PTPRD: variants seen among roughly 807,000 people sequenced by gnomAD.
PTPRD encodes receptor-type tyrosine-protein phosphatase delta.
PTPRD carries 34 observed loss-of-function variants against 214.5 expected under a neutral mutation model. The observed-to-expected ratio is 0.16, with a 90% CI of 0.12 to 0.21. The LOEUF (loss-of-function observed/expected upper bound fraction) is 0.21, where lower values mean the gene tolerates loss of function less well. Ranked by LOEUF, PTPRD falls within the 10% of genes least tolerant of loss-of-function variation. The pLI is 1.00. For synonymous variants in PTPRD, 1,128 were observed against 845.7 expected (o/e 1.33, Z -5.79); for missense variants, 2,545 against 2,398.7 (o/e 1.06, Z -1.27).
At chr9:9,575,371 T>C (rs969719658) in intron 7 of PTPRD, among the ~76,000 whole-genome samples, 29 of 152,192 alleles carry the variant, frequency 1.9e-4, no homozygotes, top group Non-Finnish European at 3.2e-4. Flanking sequence ...ATTATTATTG[T>C]CTTTAAATTG....
intron 2 of PTPRD, among the ~76,000 whole-genome samples, chr9:10,563,542 T>C (rs2064645734): frequency 1.3e-5 from 2 of 152,202 alleles, no homozygotes; most frequent in South Asian, 4.1e-4. Flanking sequence ...ATCATAAATA[T>C]TACTAATGAA....
At position 8,837,097 on chromosome 9, in the gene PTPRD, C is replaced by T. The variant is rs573869189; in HGVS notation, c.-103-103151G>A. Among the ~76,000 whole-genome samples the T allele has an allele frequency of 1.9e-4, 29 of 150,326 alleles. 2 individuals carry two copies. The South Asian group carries it at 5.9e-3, about 31-fold the overall frequency. Reference sequence around the variant, plus strand: ...CTGGAGTGCAGTGGTACGATCTCCGCTCACTCCAACCTCCGCCTTCCAGGT... The same window carrying T: ...CTGGAGTGCAGTGGTACGATCTCCGTTCACTCCAACCTCCGCCTTCCAGGT... On this transcript the variant is annotated intron_variant, in intron 11 of 45. Coordinates refer to ENST00000381196, the MANE Select transcript of PTPRD (RefSeq NM_002839.4).
intron 10 of PTPRD, among the ~76,000 whole-genome samples, chr9:9,162,198 C>G (rs1210467989): frequency 4.6e-5 from 7 of 152,116 alleles, no homozygotes; most frequent in African/African-American, 1.7e-4. Flanking sequence ...TTGCTAAACA[C>G]TGCTACAAAA....
intron 2 of PTPRD, among the ~76,000 whole-genome samples, chr9:10,432,221 G>T (rs895961051): frequency 6.9e-6 from 1 of 145,060 alleles, no homozygotes; most frequent in African/African-American, 2.6e-5. Flanking sequence ...TCACTCATAG[G>T]CGGGAATTGA....
chr9:8,484,427 A>G lies in PTPRD; in HGVS notation c.3154-49T>C. 5.1e-6 allele frequency: 8 copies of G among 1,557,712 alleles called. No individual in the cohort carries two copies. In the South Asian group the frequency reaches 9.7e-5, roughly 19 times the overall value. On this transcript the variant is annotated intron_variant, in intron 29 of 45. Transcript: ENST00000381196. The stretch of plus-strand genomic sequence containing the variant: ...AAAAAATCTGGTTATCAGAGAGGCA[A>G]AATATATTTTCTAAACCAATGTGCA...
At chr9:9,599,547 C>G (rs2093605535) in intron 7 of PTPRD, among the ~76,000 whole-genome samples, 4 of 152,026 alleles carry the variant, frequency 2.6e-5, no homozygotes. Context: ...GTTACTCATT[C>G]TATTCTTCAG....
intron 11 of PTPRD, among the ~76,000 whole-genome samples, chr9:8,900,140 T>C (rs947643123): frequency 6.6e-6 from 1 of 152,190 alleles, no homozygotes; most frequent in African/African-American, 2.4e-5. Flanking sequence ...TTATATGACA[T>C]ACTATATAAA....
At position 8,900,044 on chromosome 9, in the gene PTPRD, G is replaced by C. The variant is rs563620313; in HGVS notation, c.-104+118653C>G. Among the ~76,000 whole-genome samples the C allele has an allele frequency of 7.2e-5, 11 of 152,234 alleles. No individual in the cohort carries two copies. The South Asian group carries it at 2.3e-3, about 32-fold the overall frequency. On this transcript the variant is annotated intron_variant, in intron 11 of 45. Coordinates refer to ENST00000381196, the MANE Select transcript of PTPRD (RefSeq NM_002839.4). Reference sequence around the variant, plus strand: ...TTTACTAAAATCTTTGGTCAGTGTAGATGTGTATCAAAACTGCATTGTCAA... The same window carrying C: ...TTTACTAAAATCTTTGGTCAGTGTACATGTGTATCAAAACTGCATTGTCAA...
intron 8 of PTPRD, among the ~76,000 whole-genome samples, chr9:9,573,539 T>C (rs2087275569): frequency 6.6e-6 from 1 of 151,704 alleles, no homozygotes; most frequent in Non-Finnish European, 1.5e-5. Flanking sequence ...ATTAAAACAC[T>C]GGAGATAATA....
chr9:9,026,241 G>A (rs1284024277), intron 10 of PTPRD, among the ~76,000 whole-genome samples: 1 of 151,918 alleles, frequency 6.6e-6, no homozygotes, highest in African/African-American at 2.4e-5. Flanking sequence ...AAAGGCTCTG[G>A]CACAGGGACC....
At chr9:10,460,060 T>C (rs1352114294) in intron 2 of PTPRD, among the ~76,000 whole-genome samples, 1 of 152,042 alleles carries the variant, frequency 6.6e-6, no homozygotes, top group Non-Finnish European at 1.5e-5. Flanking sequence ...ATGGCGGTGA[T>C]GGTTACCCAA....
chr9:9,490,841 T>C (rs1334533525), intron 8 of PTPRD, among the ~76,000 whole-genome samples: 1 of 151,558 alleles, frequency 6.6e-6, no homozygotes, highest in Non-Finnish European at 1.5e-5. Context: ...TAGAAAAAAA[T>C]AGCAAAAAGA....
intron 3 of PTPRD, among the ~76,000 whole-genome samples, chr9:10,087,137 G>T (rs558009781): frequency 6.8e-6 from 1 of 146,652 alleles, no homozygotes; most frequent in African/African-American, 2.5e-5. Context: ...ATGTTTTAGA[G>T]TTTTTTTTTT....
chr9:9,321,658 T>A (rs550226048), intron 9 of PTPRD, among the ~76,000 whole-genome samples: 1 of 152,318 alleles, frequency 6.6e-6, no homozygotes, highest in Non-Finnish European at 1.5e-5. Flanking sequence ...ATATTTAGCT[T>A]CAGAGATTGA....
At chr9:9,643,341 G>C (rs1435257064) in intron 7 of PTPRD, among the ~76,000 whole-genome samples, 2 of 151,994 alleles carry the variant, frequency 1.3e-5, no homozygotes, top group African/African-American at 2.4e-5. Flanking sequence ...GAAAGCCCTA[G>C]GCTTTTTAAA....
At chr9:8,713,280 T>C in intron 12 of PTPRD, 1 of 681,896 alleles carries the variant, frequency 1.5e-6, no homozygotes, top group East Asian at 2.7e-5. Flanking sequence ...ACTGAGCTTT[T>C]GCGGGTGGCG....
chr9:9,580,134 A>G (rs2090275042), intron 7 of PTPRD, among the ~76,000 whole-genome samples: 1 of 152,136 alleles, frequency 6.6e-6, no homozygotes, highest in Non-Finnish European at 1.5e-5. Flanking sequence ...AGGTTATTTC[A>G]TAACTTTGCT....
rs773745412 is a variant in PTPRD, at chr9:9,240,852, G to A, written c.-202-57489C>T. Among the ~76,000 whole-genome samples, 27 of 151,938 alleles carry A rather than the reference G, an allele frequency of 1.8e-4. No homozygotes were observed. In the East Asian group the frequency reaches 3.1e-3, roughly 17 times the overall value. On this transcript the variant is annotated intron_variant, in intron 9 of 45. Coordinates refer to ENST00000381196, the MANE Select transcript of PTPRD (RefSeq NM_002839.4). ...TTTCGCTCATCAGGTTTCTAATCACGGCCATTTTAAGTTTTTGACATCCAA... is the reference window on the plus strand; with the variant it reads ...TTTCGCTCATCAGGTTTCTAATCACAGCCATTTTAAGTTTTTGACATCCAA...
At chr9:10,190,718 C>CAAAAAAAAAAAAAAAAAAAAAAAAAAAA in intron 3 of PTPRD, among the ~76,000 whole-genome samples, 1 of 44,214 alleles carries the variant, frequency 2.3e-5, no homozygotes, top group Non-Finnish European at 4.3e-5. Flanking sequence ...AACTCTGTCT[C>CAAAAAAAAAAAAAAAAAAAAAAAAAAAA]AAAAAAAAAA....
Sources: allele counts gnomAD v4.1 joint callset (sites outside exome capture counted in the v4.1 genomes callset), GRCh38; gene constraint gnomAD v4.1.1; transcripts MANE v1.5; gene names NCBI Gene and HGNC (gene_info 2026-07-23, HGNC 2026-07-21).